The following ATP12A variants were observed in gnomAD, a reference collection of about 807,000 sequenced individuals.
ATP12A encodes ATPase H+/K+ transporting non-gastric alpha2 subunit.
ATP12A carries 81 observed loss-of-function variants against 111.2 expected under a neutral mutation model. The observed-to-expected ratio is 0.73, with a 90% CI of 0.61 to 0.88. The LOEUF (loss-of-function observed/expected upper bound fraction) is 0.88. ATP12A is among the 40% of genes least tolerant of loss of function. ATP12A has a pLI of 0.00. For missense variants in ATP12A, 1,196 were observed against 1,313.1 expected (o/e 0.91, Z 1.38); for synonymous variants, 498 against 499.8 (o/e 1.00, Z 0.05).
At position 24,702,043 on chromosome 13, in the gene ATP12A, A is replaced by C. The variant is rs1875422761; in HGVS notation, c.1990A>C (p.Asn664His). Reference protein sequence around the residue: ...ETVEDIAHRLNIAVEQVNKRD... With the variant: ...ETVEDIAHRLHIAVEQVNKRD... ...AGTGGAAGACATTGCACATCGCCTC[A>C]ACATTGCTGTGGAGCAAGTTAACAA... Residue 664 changes from asparagine to histidine, a missense_variant, in exon 14 of 23, where the codon AAC becomes CAC. Asn to His is a moderately conservative substitution (Grantham distance 68). This residue lies in a region of ATP12A where 1,126 missense variants were observed against 1,228.5 expected (regional missense o/e 0.92). Coordinates refer to ENST00000381946, the MANE Select transcript of ATP12A (RefSeq NM_001676.7). 3 of 1,614,244 alleles carry C rather than the reference A, an allele frequency of 1.9e-6. No individual in the cohort carries two copies. Among genetic ancestry groups the C allele is most frequent in the Non-Finnish European group, 2.5e-6 (3 of 1,180,034 alleles).
chr13:24,693,461 TTTTG>T (rs1036816214), intron 10 of ATP12A, among the ~76,000 whole-genome samples: 10 of 152,170 alleles, frequency 6.6e-5, no homozygotes, highest in Middle Eastern at 3.2e-3. Context: ...TTTCTTATTT[TTTTG>T]TTTGTTTGTT....
At chr13:24,697,166 T>C (rs1460567806) in intron 11 of ATP12A, among the ~76,000 whole-genome samples, 1 of 152,188 alleles carries the variant, frequency 6.6e-6, no homozygotes, top group East Asian at 1.9e-4. Flanking sequence ...GAGTGAAGCA[T>C]TGAACCTCTG....
At chr13:24,710,964 C>A in intron 21 of ATP12A, 71 bp downstream of exon 21, 2 of 1,365,294 alleles carry the variant, frequency 1.5e-6, no homozygotes, top group Admixed American at 1.8e-5. Context: ...CTAAATAAAC[C>A]TGAGGATTCC....
Position 24,688,435 on chromosome 13 carries a change from C to T in ATP12A, c.345C>T (p.Phe115=). The T allele has an allele frequency of 6.2e-7, 1 of 1,614,092 alleles. No homozygotes were observed. Among genetic ancestry groups the T allele is most frequent in the Non-Finnish European group, 8.5e-7 (1 of 1,180,004 alleles). ...VKFLKQMVGG[F]SILLWVGAFL... The stretch of plus-strand genomic sequence containing the variant: ...TCCTCAAGCAGATGGTGGGGGGGTT[C>T]TCTATCCTCCTGTGGGTGGGCGCCT... Residue 115 remains phenylalanine (F), a synonymous_variant, in exon 4 of 23, where the codon TTC becomes TTT. Coordinates refer to ENST00000381946, the MANE Select transcript of ATP12A (RefSeq NM_001676.7).
At chr13:24,697,163 G>A (rs1205502850) in intron 11 of ATP12A, among the ~76,000 whole-genome samples, 1 of 152,218 alleles carries the variant, frequency 6.6e-6, no homozygotes, top group Non-Finnish European at 1.5e-5. Context: ...CCTGAGTGAA[G>A]CATTGAACCT....
chr13:24,690,699 C>T lies in ATP12A; in HGVS notation c.777C>T (p.Phe259=). 6.2e-7 allele frequency: 1 copy of T among 1,613,888 alleles called. No homozygotes were observed. The highest frequency in any genetic ancestry group is 8.5e-7 in the Non-Finnish European group (1 of 1,179,912). Residue 259 remains phenylalanine, a synonymous_variant, in exon 7 of 23, where the codon TTC becomes TTT. Transcript: ENST00000381946. ...ENPLETKNIC[F]YSTTCLEGTV... ...CCCTGGAAACAAAGAACATCTGCTT[C>T]TATTCCACAACGTGTCTGGAAGGTA...
In ATP12A at chr13:24,691,101, G is replaced by A. The variant is rs372552334; in HGVS notation, c.919G>A (p.Val307Ile). ...CATTGCCATTGAGATCGAGCACTTT[G>A]TTCACATTGTGGCAGGAGTGGCTGT... ...TPIAIEIEHF[V>I]HIVAGVAVSI... is the part of the protein sequence containing the mutation. Residue 307 changes from valine to isoleucine, a missense_variant, in exon 8 of 23, where the codon GTT becomes ATT. Physicochemically the swap from Val to Ile is conservative, Grantham distance 29 (BLOSUM62 3). This residue lies in a region of ATP12A where 1,126 missense variants were observed against 1,228.5 expected (regional missense o/e 0.92). Coordinates refer to ENST00000381946, the MANE Select transcript of ATP12A (RefSeq NM_001676.7). The A allele has an allele frequency of 2.5e-6, 4 of 1,614,132 alleles. No homozygotes were observed. In the African/African-American group the frequency reaches 4.0e-5, roughly 16 times the overall value.
intron 13 of ATP12A, 77 bp downstream of exon 13, chr13:24,700,999 T>A (rs1472018198): frequency 1.2e-5 from 18 of 1,511,166 alleles, no homozygotes; most frequent in Non-Finnish European, 1.5e-5. Flanking sequence ...TCATAGCAGA[T>A]GGTCAGTATT....
intron 11 of ATP12A, 136 bp downstream of exon 11, chr13:24,694,714 A>T: frequency 7.5e-7 from 1 of 1,328,424 alleles, no homozygotes; most frequent in East Asian, 2.4e-5. Context: ...GCACCCAGGC[A>T]TCTGGTCCCC....
chr13:24,682,381 G>A (rs61119012), intron 2 of ATP12A, among the ~76,000 whole-genome samples: 23,583 of 148,244 alleles, frequency 0.16, 3,057 homozygotes, highest in East Asian at 0.5. Context: ...TGTGGTGTGT[G>A]TGTGGTGTGT....
intron 8 of ATP12A, among the ~76,000 whole-genome samples, chr13:24,692,164 G>T (rs545910076): frequency 6.6e-6 from 1 of 152,114 alleles, no homozygotes. Flanking sequence ...TTTGCTGCCC[G>T]TGGGTCCCTT....
At position 24,680,772 on chromosome 13, in the gene ATP12A, C is replaced by T. The variant is rs750003838; in HGVS notation, c.9+20C>T. On this transcript the variant is annotated intron_variant, in intron 1 of 22. Coordinates refer to ENST00000381946, the MANE Select transcript of ATP12A (RefSeq NM_001676.7). Reference sequence around the variant, plus strand: ...CACCAGGTGCGTGCAGCCCCCGCGCCGGCCGAGGATGCGAGACGCTGGGCC... The same window carrying T: ...CACCAGGTGCGTGCAGCCCCCGCGCTGGCCGAGGATGCGAGACGCTGGGCC... 1,480 of 1,487,166 alleles carry T rather than the reference C, an allele frequency of 1.0e-3. 1 individual carries two copies. The highest frequency in any genetic ancestry group is 1.2e-3 in the Non-Finnish European group (1,384 of 1,125,970). 92.1% of individuals were successfully genotyped at this position (1,487,166 alleles called of 1,614,324 possible).
intron 14 of ATP12A, among the ~76,000 whole-genome samples, chr13:24,703,352 C>G (rs141760113): frequency 0.031 from 4,686 of 152,226 alleles, 245 homozygotes; most frequent in African/African-American, 0.1. Context: ...AAGCGATTCT[C>G]CTGCCTCAGC....
At chr13:24,688,769 G>T (rs1874760779) in intron 4 of ATP12A, among the ~76,000 whole-genome samples, 1 of 152,170 alleles carries the variant, frequency 6.6e-6, no homozygotes, top group Non-Finnish European at 1.5e-5. Flanking sequence ...GTAGTTTGGG[G>T]TTCTGTCTCC....
At chr13:24,703,708 C>G (rs1016633334) in intron 14 of ATP12A, 2 of 152,212 alleles carry the variant, frequency 1.3e-5, no homozygotes, top group Non-Finnish European at 2.9e-5. Context: ...TCAGATCACC[C>G]AGGCTGGAGT....
intron 9 of ATP12A, 65 bp downstream of exon 9, chr13:24,692,692 A>G: frequency 6.3e-7 from 1 of 1,598,728 alleles, no homozygotes; most frequent in South Asian, 1.1e-5. Flanking sequence ...TGAGCTGAGC[A>G]CACAGCAGGG....
At chr13:24,698,636 C>A in intron 11 of ATP12A, 22 bp from the exon 12 acceptor site, 1 of 1,608,576 alleles carries the variant, frequency 6.2e-7, no homozygotes, top group Non-Finnish European at 8.5e-7. Context: ...GTAAGTAACA[C>A]GCTCAGTTCA....
intron 14 of ATP12A, 22 bp downstream of exon 14, chr13:24,702,093 T>C (rs1424538379): frequency 1.2e-6 from 2 of 1,613,920 alleles, no homozygotes; most frequent in African/African-American, 2.7e-5. Context: ...AGCAGCATAG[T>C]AAAAATTCCA....
chr13:24,686,440 CAAAA>C (rs60902451), intron 3 of ATP12A, among the ~76,000 whole-genome samples: 2 of 93,816 alleles, frequency 2.1e-5, no homozygotes, highest in Non-Finnish European at 2.2e-5. Flanking sequence ...AACTCCATCT[CAAAA>C]AAAAAAAAAA....
Sources: gnomAD v4.1 joint callset for allele counts (sites outside exome capture counted in the v4.1 genomes callset) on GRCh38, gnomAD v4.1.1 for gene constraint, gnomAD v4.1.1 regional missense constraint, MANE v1.5 for transcripts, NCBI Gene and HGNC (gene_info 2026-07-23, HGNC 2026-07-21) for gene names.